Variants in ZSWIM8 observed in about 807,000 individuals in gnomAD.
ZSWIM8 encodes the protein zinc finger SWIM domain-containing protein 8.
ZSWIM8 carries 27 observed loss-of-function variants against 173.7 expected under a neutral mutation model. That is an observed-to-expected ratio of 0.16 (90% CI 0.11 to 0.21). The LOEUF (loss-of-function observed/expected upper bound fraction) is 0.21, where lower values mean the gene tolerates loss of function less well. Among genes scored for constraint, ZSWIM8 ranks in the 10% least tolerant of loss-of-function variants. The probability of loss-of-function intolerance (pLI) is 1.00; values close to 1 mark genes in which losing one functional copy is unlikely to be tolerated. For missense variants in ZSWIM8, 1,627 were observed against 2,428.8 expected, an observed-to-expected ratio of 0.67 and a Z score of 6.94; for synonymous variants, 958 against 962.0, an observed-to-expected ratio of 1.00 and a Z score of 0.08.
chr10:73,796,335 C>T (rs557250925), intron 15 of ZSWIM8: 104 of 417,016 alleles, frequency 2.5e-4, no homozygotes, highest in Admixed American at 7.0e-4. Flanking sequence ...GGCAACAGAG[C>T]GAGACCCTGT....
intron 1 of ZSWIM8, among the ~76,000 whole-genome samples, chr10:73,787,253 CT>C (rs1395378482): frequency 6.6e-6 from 1 of 152,144 alleles, no homozygotes; most frequent in African/African-American, 2.4e-5. Flanking sequence ...ATATATATCA[CT>C]TTTTAGGAGT....
intron 19 of ZSWIM8, 42 bp downstream of exon 19, chr10:73,798,112 TTGGTGGGGA>T: frequency 1.2e-6 from 2 of 1,605,066 alleles, no homozygotes; most frequent in Non-Finnish European, 1.7e-6. Flanking sequence ...GGGGGATTAA[TTGGTGGGGA>T]TAAGACCCTT....
In ZSWIM8 at chr10:73,792,103, G is replaced by A. The variant is rs2083436858; in HGVS notation, c.1564G>A (p.Gly522Arg). ...LPSRPGASRS[G>R]GLEESRDRPR... ...CTCTCGGCCAGGTGCCTCCCGCTCT[G>A]GGGGCCTGGAGGAATCCCGGGACCG... The change falls in exon 10 of 26, where the codon GGG becomes AGG. Residue 522 changes from glycine (G) to arginine (R), a missense_variant. Gly to Arg is a moderately radical substitution (Grantham distance 125). This residue lies in a region of ZSWIM8 where 383 missense variants were observed against 394.8 expected (regional missense o/e 0.97). Transcript: ENST00000604729. The surrounding 1 kb of genome is among the most constrained non-coding windows in gnomAD (Gnocchi z 4.3). 2 of 1,533,992 alleles carry A rather than the reference G, an allele frequency of 1.3e-6. No homozygotes were observed. The highest frequency in any genetic ancestry group is 1.8e-6 in the Non-Finnish European group (2 of 1,135,588).
Position 73,786,046 on chromosome 10 carries a change from C to T in ZSWIM8, c.168C>T (p.Gly56=), listed in dbSNP as rs1267759111. 1 of 1,593,804 alleles carries T rather than the reference C, an allele frequency of 6.3e-7. No homozygotes were observed. Among genetic ancestry groups the T allele is most frequent in the Non-Finnish European group, 8.6e-7 (1 of 1,169,168 alleles). ...CAGCGGGGCCCAATTCCCCCACTGG[C>T]GGCGGTGGCGGAGGTGGCAGTGGCG... ...KQSAGPNSPT[G]GGGGGGSGGT... is the part of the protein sequence containing the mutation. Residue 56 remains glycine, a synonymous_variant, in exon 1 of 26, where the codon GGC becomes GGT. Transcript: ENST00000604729.
chr10:73,787,194 T>C (rs548209599), intron 1 of ZSWIM8, among the ~76,000 whole-genome samples: 2 of 152,326 alleles, frequency 1.3e-5, no homozygotes, highest in Non-Finnish European at 2.9e-5. Flanking sequence ...TCTGCGCGCC[T>C]CGGCCTCCCG....
In ZSWIM8 at chr10:73,789,903, C is replaced by T; in HGVS notation, c.739-53C>T. On this transcript the variant is annotated intron_variant, in intron 5 of 25. Transcript: ENST00000604729. The surrounding 1 kb of genome is among the most constrained non-coding windows in gnomAD (Gnocchi z 6.8). ...CAGCCTTCCTGTTAGGCCCAGGCCT[C>T]CATGGGTTCACCTAGGCCGTGTTCT... is the stretch of plus-strand genomic sequence containing the variant. The T allele has an allele frequency of 1.9e-6, 3 of 1,591,432 alleles. No homozygotes were observed. The highest frequency in any genetic ancestry group is 1.1e-5 in the South Asian group (1 of 88,396).
Position 73,799,204 on chromosome 10 carries a change from G to A in ZSWIM8, c.4379G>A (p.Gly1460Asp), listed in dbSNP as rs2083804308. The change falls in exon 21 of 26, where the codon GGT becomes GAT. Residue 1460 changes from glycine (G) to aspartate (D), a missense_variant. Coordinates refer to ENST00000604729, the MANE Select transcript of ZSWIM8 (RefSeq NM_001367799.1). ...GIRAGGEAGRGMPEGRGGPGT... is the reference protein window; with the variant it reads ...GIRAGGEAGRDMPEGRGGPGT... Reference sequence around the variant, plus strand: ...AGGGCAGGTGGGGAAGCTGGGCGGGGTATGCCTGAGGGTAGAGGGGGCCCA... The same window carrying A: ...AGGGCAGGTGGGGAAGCTGGGCGGGATATGCCTGAGGGTAGAGGGGGCCCA... The A allele has an allele frequency of 4.4e-6, 7 of 1,608,206 alleles. No homozygotes were observed. The highest frequency in any genetic ancestry group is 5.1e-6 in the Non-Finnish European group (6 of 1,177,280).
intron 1 of ZSWIM8, 59 bp downstream of exon 1, chr10:73,786,145 C>T: frequency 1.4e-6 from 2 of 1,439,952 alleles, no homozygotes; most frequent in Non-Finnish European, 1.8e-6. Flanking sequence ...CGCTCGGGAG[C>T]TGTCCGGGAC....
rs2083457165 is a variant in ZSWIM8 at position 73,792,588 on chromosome 10, A to T, written c.2049A>T (p.Thr683=). Residue 683 remains threonine, a synonymous_variant, in exon 10 of 26, where the codon ACA becomes ACT. Transcript: ENST00000604729. The surrounding 1 kb of genome is among the most constrained non-coding windows in gnomAD (Gnocchi z 4.3). The part of the protein sequence containing the change: ...VYFSEGPEPP[T]ASVGPPGLLP... ...TCTCGGAAGGGCCTGAGCCTCCCAC[A>T]GCCTCTGTTGGCCCCCCTGGCCTAC... is the stretch of plus-strand genomic sequence containing the variant. 1 of 1,613,888 alleles carries T rather than the reference A, an allele frequency of 6.2e-7. No individual in the cohort carries two copies. The highest frequency in any genetic ancestry group is 1.7e-5 in the Admixed American group (1 of 60,012).
intron 1 of ZSWIM8, 69 bp downstream of exon 1, chr10:73,786,155 C>T: frequency 7.1e-7 from 1 of 1,403,864 alleles, no homozygotes. Flanking sequence ...CTGTCCGGGA[C>T]CAGGAGCTGT....
chr10:73,794,735 G>A, intron 14 of ZSWIM8, 96 bp downstream of exon 14: 1 of 1,144,114 alleles, frequency 8.7e-7, no homozygotes, highest in Non-Finnish European at 1.2e-6. Flanking sequence ...GTAATGGGAA[G>A]GTCAGGATGA....
intron 12 of ZSWIM8, 27 bp from the exon 13 acceptor site, chr10:73,794,120 G>C: frequency 6.2e-7 from 1 of 1,613,442 alleles, no homozygotes; most frequent in Non-Finnish European, 8.5e-7. Flanking sequence ...ACACACCAGA[G>C]GTCTGAGCTC....
chr10:73,785,677 G>A lies in ZSWIM8; in HGVS notation c.-202G>A. On this transcript the variant is annotated 5_prime_UTR_variant, in exon 1 of 26. Coordinates refer to ENST00000604729, the MANE Select transcript of ZSWIM8 (RefSeq NM_001367799.1). ...GTCTCGGAGACTGGCCAAGATCACC[G>A]CTTGCACCGCGCTGTTGGGCGAGGC... is the stretch of plus-strand genomic sequence containing the variant. 1.5e-6 allele frequency: 1 copy of A among 654,022 alleles called. No homozygotes were observed. The highest frequency in any genetic ancestry group is 2.8e-6 in the Non-Finnish European group (1 of 355,662). The allele number at this position is 654,022 out of a possible 1,614,324, so 40.5% of individuals were successfully genotyped here.
chr10:73,785,997 A>G lies in ZSWIM8; in HGVS notation c.119A>G (p.Asn40Ser). 6.3e-7 allele frequency: 1 copy of G among 1,599,512 alleles called. No individual in the cohort carries two copies. ...FISEAESLCQNWRGWRKQSAG... is the reference protein window; with the variant it reads ...FISEAESLCQSWRGWRKQSAG... ...TCCGAGGCCGAGAGCCTCTGCCAGA[A>G]CTGGCGGGGATGGCGCAAACAGTCA... The change falls in exon 1 of 26, where the codon AAC becomes AGC. Residue 40 changes from asparagine (N) to serine (S), a missense_variant. Physicochemically the swap from Asn to Ser is conservative, Grantham distance 46. Transcript: ENST00000604729.
rs183969111 is a variant in ZSWIM8 at position 73,794,538 on chromosome 10, C to T, written c.2810-3C>T. On this transcript the variant is annotated splice_polypyrimidine_tract_variant and splice_region_variant and intron_variant, in intron 13 of 25. Transcript: ENST00000604729. ...TGCCTGACTTACCCCAACTTTTATA[C>T]AGTGGTTTCTCCCACAGGTTCCCGG... 5.4e-4 allele frequency: 838 copies of T among 1,562,934 alleles called. No homozygotes were observed. In the African/African-American group the frequency reaches 7.2e-3, roughly 13 times the overall value.
In ZSWIM8 at chr10:73,801,603, G is replaced by T; in HGVS notation, c.*84G>T. 1 of 1,554,226 alleles carries T rather than the reference G, an allele frequency of 6.4e-7. No individual in the cohort carries two copies. The highest frequency in any genetic ancestry group is 1.2e-5 in the South Asian group (1 of 85,436). On this transcript the variant is annotated 3_prime_UTR_variant, in exon 26 of 26. Coordinates refer to ENST00000604729, the MANE Select transcript of ZSWIM8 (RefSeq NM_001367799.1). This position sits in a 1 kb window ranked among gnomAD's most constrained non-coding sequence, Gnocchi z 4.9. Reference sequence around the variant, plus strand: ...ACACAGGGGGAGTGAAACTTGGCTGGACAGATCATCCTCACTCAGTTCCCT... The same window carrying T: ...ACACAGGGGGAGTGAAACTTGGCTGTACAGATCATCCTCACTCAGTTCCCT...
In ZSWIM8 at chr10:73,793,619, C is replaced by T. The variant is rs375902242; in HGVS notation, c.2345C>T (p.Ala782Val). The T allele has an allele frequency of 6.3e-5, 102 of 1,610,144 alleles. No homozygotes were observed. The highest frequency in any genetic ancestry group is 8.0e-5 in the African/African-American group (6 of 74,814). ...VLFACAEALH[A>V]HGYSSEASRL... ...TTTGCCTGTGCTGAGGCCCTGCATG[C>T]GCATGGCTATAGCAGTGAGGCCTCC... The change falls in exon 11 of 26, where the codon GCG becomes GTG. Residue 782 changes from alanine to valine, a missense_variant. Ala to Val is a moderately conservative substitution (Grantham distance 64). Transcript: ENST00000604729.
intron 1 of ZSWIM8, 75 bp downstream of exon 1, chr10:73,786,161 G>T: frequency 7.2e-7 from 1 of 1,386,872 alleles, no homozygotes; most frequent in Non-Finnish European, 9.5e-7. Context: ...GGGACCAGGA[G>T]CTGTCCCCGA....
At position 73,799,152 on chromosome 10, in the gene ZSWIM8, G is replaced by C. The variant is rs753846242; in HGVS notation, c.4327G>C (p.Ala1443Pro). The C allele has an allele frequency of 5.0e-6, 8 of 1,612,652 alleles. No homozygotes were observed. The Admixed American group carries it at 1.2e-4, about 24-fold the overall frequency. Residue 1443 changes from alanine to proline, a missense_variant, in exon 21 of 26, where the codon GCT (alanine) becomes CCT (proline). Around this residue, in one of 18 missense-constraint regions of ZSWIM8, gnomAD observed 275 missense variants for 290.1 expected, o/e 0.95. Coordinates refer to ENST00000604729, the MANE Select transcript of ZSWIM8 (RefSeq NM_001367799.1). ...TGGCTCATCCACAGCCCGTGAAGGG[G>C]CTACAAGCTGTAGTGCCAGTGGGAT... ...AGGSSTAREG[A>P]TSCSASGIRA...
Sources: gnomAD v4.1 joint callset for allele counts (sites outside exome capture counted in the v4.1 genomes callset) on GRCh38, gnomAD v4.1.1 for gene constraint, gnomAD v4.1.1 regional missense constraint, Gnocchi (gnomAD v3.1) non-coding constraint, MANE v1.5 for transcripts, NCBI Gene and HGNC (gene_info 2026-07-23, HGNC 2026-07-21) for gene names.